PAX5: variants seen among roughly 807,000 people sequenced by gnomAD.
PAX5 encodes the protein paired box 5.
In PAX5, 9 loss-of-function variants were observed where a neutral mutation model predicts 43.7. The ratio of observed to expected loss-of-function variants is 0.21; its 90% CI spans 0.12 to 0.36. The LOEUF (loss-of-function observed/expected upper bound fraction) is 0.36, where lower values mean the gene tolerates loss of function less well. Among genes scored for constraint, PAX5 ranks in the 10% least tolerant of loss-of-function variants. The pLI, the probability that PAX5 is intolerant of heterozygous loss-of-function variation, is 1.00. For synonymous variants in PAX5, 228 were observed against 214.3 expected (o/e 1.06, Z -0.56); for missense variants, 383 against 532.7 (o/e 0.72, Z 2.77).
intron 6 of PAX5, among the ~76,000 whole-genome samples, chr9:36,935,091 T>C (rs1563984705): frequency 6.6e-6 from 1 of 152,184 alleles, no homozygotes; most frequent in Non-Finnish European, 1.5e-5. Flanking sequence ...GTCAAAATGG[T>C]TTGCAGCAGG....
intron 7 of PAX5, among the ~76,000 whole-genome samples, chr9:36,922,130 C>G (rs538566045): frequency 6.6e-6 from 1 of 152,322 alleles, no homozygotes; most frequent in Admixed American, 6.5e-5. Flanking sequence ...TCTCTTCTGC[C>G]TGAGCCTCAG....
chr9:36,933,060 C>G (rs897799554), intron 6 of PAX5, among the ~76,000 whole-genome samples: 10 of 150,550 alleles, frequency 6.6e-5, no homozygotes, highest in Non-Finnish European at 1.5e-4. Context: ...GGGAGAATTG[C>G]TTGAACCCCA....
chr9:36,973,466 A>C (rs1370280127), intron 5 of PAX5, among the ~76,000 whole-genome samples: 1 of 152,230 alleles, frequency 6.6e-6, no homozygotes, highest in Non-Finnish European at 1.5e-5. Flanking sequence ...AAGTGAGTCC[A>C]ATGAGCTTGG....
chr9:37,016,766 T>C (rs947039387), intron 2 of PAX5, among the ~76,000 whole-genome samples: 3 of 152,196 alleles, frequency 2.0e-5, no homozygotes, highest in Non-Finnish European at 4.4e-5. Context: ...AACGAGGTGA[T>C]TCTGAGATGG....
intron 5 of PAX5, among the ~76,000 whole-genome samples, chr9:36,974,039 G>C (rs1181398011): frequency 3.9e-5 from 6 of 152,046 alleles, no homozygotes; most frequent in Admixed American, 3.9e-4. Flanking sequence ...GTTAGCTGGG[G>C]TGTGGTGGTG....
Position 36,888,017 on chromosome 9 carries a change from T to C in PAX5, c.911-5912A>G, listed in dbSNP as rs144614962. On this transcript the variant is annotated intron_variant, in intron 7 of 9. Transcript: ENST00000358127. The stretch of plus-strand genomic sequence containing the variant: ...ATAAATGAAATGGCTAACAAGCACA[T>C]GAAAAGATGTTCAACATCATTAGCT... Among the ~76,000 whole-genome samples, 544 of 152,296 alleles carry C rather than the reference T, an allele frequency of 3.6e-3. 1 individual carries two copies. Among genetic ancestry groups the C allele is most frequent in the African/African-American group, 0.013 (526 of 41,554 alleles).
chr9:36,862,502 G>T (rs1587792943), intron 8 of PAX5, among the ~76,000 whole-genome samples: 1 of 152,152 alleles, frequency 6.6e-6, no homozygotes, highest in African/African-American at 2.4e-5. Flanking sequence ...CTCTCCAAAA[G>T]ATGTTCCACA....
At chr9:36,970,519 C>T (rs575584111) in intron 5 of PAX5, among the ~76,000 whole-genome samples, 1 of 152,260 alleles carries the variant, frequency 6.6e-6, no homozygotes, top group Non-Finnish European at 1.5e-5. Context: ...ATTTCTCAGT[C>T]CCAGGGCCCG....
intron 7 of PAX5, among the ~76,000 whole-genome samples, chr9:36,888,736 C>A (rs1827116972): frequency 6.6e-6 from 1 of 152,202 alleles, no homozygotes; most frequent in Non-Finnish European, 1.5e-5. Flanking sequence ...GACCTGGCAT[C>A]CAGAGGGCAG....
chr9:36,923,138 A>C, intron 7 of PAX5: 1 of 494,688 alleles, frequency 2.0e-6, no homozygotes. Context: ...TCCATTTGGC[A>C]TTTGTTCTCC....
intron 6 of PAX5, among the ~76,000 whole-genome samples, chr9:36,924,483 G>T (rs941543998): frequency 1.6e-4 from 25 of 152,162 alleles, no homozygotes; most frequent in Non-Finnish European, 3.1e-4. Flanking sequence ...ACTTTGGGAG[G>T]CCAAAGCGGG....
rs560156342 is a variant in PAX5, at chr9:36,866,879, C to T, written c.1012+15125G>A. Reference sequence around the variant, plus strand: ...CGGCCTCTCCGTTGAACACACAACACGCTCCACACAGGCACAGCCCAATCT... The same window carrying T: ...CGGCCTCTCCGTTGAACACACAACATGCTCCACACAGGCACAGCCCAATCT... On this transcript the variant is annotated intron_variant, in intron 8 of 9. Coordinates refer to ENST00000358127, the MANE Select transcript of PAX5 (RefSeq NM_016734.3). Among the ~76,000 whole-genome samples, 144 of 148,458 alleles carry T rather than the reference C, an allele frequency of 9.7e-4. 1 individual carries two copies. The highest frequency in any genetic ancestry group is 7.2e-3 in the Middle Eastern group (2 of 278).
At chr9:36,944,937 T>C (rs1360729042) in intron 6 of PAX5, among the ~76,000 whole-genome samples, 1 of 152,224 alleles carries the variant, frequency 6.6e-6, no homozygotes, top group African/African-American at 2.4e-5. Flanking sequence ...CTGGAAGTGG[T>C]ACTGACACCC....
chr9:36,935,397 A>C (rs1831466457), intron 6 of PAX5, among the ~76,000 whole-genome samples: 1 of 6,768 alleles, frequency 1.5e-4, no homozygotes, highest in African/African-American at 2.1e-4. Flanking sequence ...AAACAAACAA[A>C]AAAAAAAATG....
At chr9:36,983,924 G>A (rs149974995) in intron 5 of PAX5, among the ~76,000 whole-genome samples, 1 of 152,268 alleles carries the variant, frequency 6.6e-6, no homozygotes, top group East Asian at 1.9e-4. Context: ...GACCACCTTT[G>A]AGGGACAGAA....
chr9:36,913,214 C>T (rs1829447609), intron 7 of PAX5, among the ~76,000 whole-genome samples: 1 of 152,178 alleles, frequency 6.6e-6, no homozygotes, highest in Non-Finnish European at 1.5e-5. Context: ...AGGGGCAGTG[C>T]CCAGGGGGAG....
intron 6 of PAX5, among the ~76,000 whole-genome samples, chr9:36,961,448 C>A (rs1406204578): frequency 1.3e-5 from 2 of 152,206 alleles, no homozygotes; most frequent in African/African-American, 2.4e-5. Context: ...CATTTTGCAC[C>A]CGTATTGATC....
At chr9:37,033,534 T>A (rs1841202591) in intron 1 of PAX5, among the ~76,000 whole-genome samples, 1 of 151,810 alleles carries the variant, frequency 6.6e-6, no homozygotes, top group Admixed American at 6.6e-5. Context: ...ACATTTTGGA[T>A]ACCCAAAAGA....
At chr9:36,911,351 G>A (rs1829272089) in intron 7 of PAX5, among the ~76,000 whole-genome samples, 1 of 151,900 alleles carries the variant, frequency 6.6e-6, no homozygotes, top group Non-Finnish European at 1.5e-5. Context: ...GAGATCGGGG[G>A]GGTCTCCCTA....
Sources: gnomAD v4.1 joint callset for allele counts (sites outside exome capture counted in the v4.1 genomes callset) on GRCh38, gnomAD v4.1.1 for gene constraint, MANE v1.5 for transcripts, NCBI Gene and HGNC (gene_info 2026-07-23, HGNC 2026-07-21) for gene names.